Variants in NUDCD1 observed in about 807,000 individuals in gnomAD.
NUDCD1 encodes the protein nudC domain-containing protein 1.
NUDCD1 carries 60 observed loss-of-function variants against 67.8 expected under a neutral mutation model. The ratio of observed to expected loss-of-function variants is 0.88; its 90% CI spans 0.72 to 1.10. The LOEUF is 1.10. NUDCD1 is among the 50% of genes least tolerant of loss of function. NUDCD1 has a pLI of 0.00. For synonymous variants in NUDCD1, 244 were observed against 230.8 expected (o/e 1.06, Z -0.52); for missense variants, 643 against 695.0 (o/e 0.93, Z 0.84).
intron 1 of NUDCD1, among the ~76,000 whole-genome samples, chr8:109,326,356 G>A (rs1815682049): frequency 6.6e-6 from 1 of 152,174 alleles, no homozygotes; most frequent in Non-Finnish European, 1.5e-5. Context: ...GTTATCACAT[G>A]ATGATGACCA....
chr8:109,267,191 TG>T (rs1274859781), intron 8 of NUDCD1, among the ~76,000 whole-genome samples: 5 of 152,146 alleles, frequency 3.3e-5, no homozygotes, highest in African/African-American at 7.2e-5. Flanking sequence ...TTGCATGTCA[TG>T]GGGGTTTGGT....
chr8:109,315,903 A>T (rs1267894703), intron 2 of NUDCD1: 2 of 152,188 alleles, frequency 1.3e-5, no homozygotes, highest in Non-Finnish European at 2.9e-5. Context: ...TACTGACATA[A>T]AACTGAGCTC....
chr8:109,305,495 T>C (rs1815082939), intron 2 of NUDCD1, among the ~76,000 whole-genome samples: 1 of 152,104 alleles, frequency 6.6e-6, no homozygotes, highest in African/African-American at 2.4e-5. Context: ...CTCACCAAGC[T>C]CAGCCTCCAA....
chr8:109,288,401 C>G (rs1405363620), intron 5 of NUDCD1, among the ~76,000 whole-genome samples: 1 of 152,154 alleles, frequency 6.6e-6, no homozygotes, highest in African/African-American at 2.4e-5. Flanking sequence ...AAATAAACAG[C>G]TATTCTGGCT....
chr8:109,286,976 G>A (rs568617983), intron 5 of NUDCD1, among the ~76,000 whole-genome samples: 1 of 151,894 alleles, frequency 6.6e-6, no homozygotes, highest in Non-Finnish European at 1.5e-5. Context: ...ACAGCACTTC[G>A]CAAAACAAGA....
intron 2 of NUDCD1, among the ~76,000 whole-genome samples, chr8:109,314,126 T>C (rs1815329406): frequency 6.6e-6 from 1 of 152,206 alleles, no homozygotes; most frequent in South Asian, 2.1e-4. Flanking sequence ...TTTCACTACA[T>C]GCCCTCATAA....
In NUDCD1 at chr8:109,290,712, TA is replaced by T. The variant is rs536938765; in HGVS notation, c.641-780del. 4.1e-4 allele frequency among the ~76,000 whole-genome samples: 62 copies of T among 152,276 alleles called. 1 individual carries two copies. In the East Asian group the frequency reaches 0.011, roughly 28 times the overall value. The stretch of plus-strand genomic sequence containing the variant: ...CTATAAAGACAGTAATTTTTTGCTT[TA>T]AAAAGTACTCAAACATTTTAGCTGA... On this transcript the variant is annotated intron_variant, in intron 4 of 9. Coordinates refer to ENST00000239690, the MANE Select transcript of NUDCD1 (RefSeq NM_032869.4).
intron 2 of NUDCD1, among the ~76,000 whole-genome samples, chr8:109,308,864 C>T (rs954772777): frequency 6.6e-6 from 1 of 150,836 alleles, no homozygotes; most frequent in Non-Finnish European, 1.5e-5. Flanking sequence ...CCTAGCTACT[C>T]GGGAGACTGA....
At chr8:109,268,292 T>C (rs2129939897) in intron 8 of NUDCD1, among the ~76,000 whole-genome samples, 1 of 152,214 alleles carries the variant, frequency 6.6e-6, no homozygotes, top group Non-Finnish European at 1.5e-5. Context: ...TATAAGGAGC[T>C]AGAGGCCTCA....
At chr8:109,244,223 A>G (rs1352036389) in intron 9 of NUDCD1, among the ~76,000 whole-genome samples, 2 of 152,114 alleles carry the variant, frequency 1.3e-5, no homozygotes, top group Admixed American at 1.3e-4. Flanking sequence ...TTAGATACCT[A>G]TTTAAATAGT....
At position 109,281,163 on chromosome 8, in the gene NUDCD1, T is replaced by C. The variant is rs1427240873; in HGVS notation, c.833A>G (p.Tyr278Cys). Residue 278 changes from tyrosine to cysteine, a missense_variant, in exon 6 of 10, where the codon TAT (tyrosine) becomes TGT (cysteine). By Grantham distance (194) the Tyr-to-Cys change is radical. Transcript: ENST00000239690. ...DISEKIKEPL[Y>C]YWQQTEDDLT... The stretch of plus-strand genomic sequence containing the variant: ...ATCATCTTCAGTCTGTTGCCAGTAA[T>C]ACAGAGGTTCTATTGGGAAAAGAAA... 6.2e-7 allele frequency: 1 copy of C among 1,609,924 alleles called. No individual in the cohort carries two copies. The highest frequency in any genetic ancestry group is 1.7e-5 in the Admixed American group (1 of 59,772).
intron 4 of NUDCD1, 101 bp downstream of exon 4, chr8:109,293,243 T>C (rs1814750946): frequency 5.2e-6 from 3 of 575,946 alleles, no homozygotes; most frequent in Non-Finnish European, 9.0e-6. Context: ...TGTAACACAA[T>C]GCCCAAGAAA....
intron 8 of NUDCD1, among the ~76,000 whole-genome samples, chr8:109,248,073 G>C (rs1323573572): frequency 5.9e-5 from 9 of 152,180 alleles, no homozygotes; most frequent in Non-Finnish European, 1.3e-4. Context: ...CACAGACACA[G>C]AAGGTGAGAT....
intron 2 of NUDCD1, chr8:109,316,619 T>G (rs1815403300): frequency 6.6e-6 from 1 of 152,218 alleles, no homozygotes; most frequent in Non-Finnish European, 1.5e-5. Context: ...ATTCTCTACC[T>G]GCCTGCACCT....
intron 4 of NUDCD1, among the ~76,000 whole-genome samples, chr8:109,291,793 T>G (rs1270178441): frequency 2.0e-5 from 3 of 152,096 alleles, no homozygotes. Context: ...GATGGAGAAG[T>G]AGAGCTGGAG....
At chr8:109,281,772 C>T (rs542454195) in intron 5 of NUDCD1, among the ~76,000 whole-genome samples, 1 of 152,344 alleles carries the variant, frequency 6.6e-6, no homozygotes, top group Admixed American at 6.5e-5. Flanking sequence ...CAGATTGCAG[C>T]CTGAACTGTC....
chr8:109,269,202 T>C (rs1814083974), intron 8 of NUDCD1, among the ~76,000 whole-genome samples: 2 of 152,222 alleles, frequency 1.3e-5, no homozygotes, highest in Admixed American at 6.5e-5. Context: ...ATGTCATACA[T>C]GTGCTTTTTA....
chr8:109,293,312 C>A, intron 4 of NUDCD1, 32 bp downstream of exon 4: 1 of 1,216,994 alleles, frequency 8.2e-7, no homozygotes. Flanking sequence ...ATAATGCCAA[C>A]CAGTAGAGAC....
At chr8:109,287,255 C>T (rs1428095894) in intron 5 of NUDCD1, among the ~76,000 whole-genome samples, 1 of 152,104 alleles carries the variant, frequency 6.6e-6, no homozygotes, top group Non-Finnish European at 1.5e-5. Context: ...TAAAACAGAA[C>T]TACAATTCAA....
Sources: allele counts gnomAD v4.1 joint callset (sites outside exome capture counted in the v4.1 genomes callset), GRCh38; gene constraint gnomAD v4.1.1; transcripts MANE v1.5; gene names NCBI Gene and HGNC (gene_info 2026-07-23, HGNC 2026-07-21).